The following CFAP300 variants were observed in gnomAD, a reference collection of about 807,000 sequenced individuals.
CFAP300 encodes cilia and flagella associated protein 300.
CFAP300 carries 32 observed loss-of-function variants against 33.0 expected under a neutral mutation model. The observed-to-expected ratio is 0.97, with a 90% CI of 0.73 to 1.30. The LOEUF is 1.30. CFAP300 is among the 50% of genes most tolerant of loss of function. CFAP300 has a pLI of 0.00. For synonymous variants in CFAP300, 102 were observed against 106.8 expected (o/e 0.95, Z 0.28); for missense variants, 356 against 318.1 (o/e 1.12, Z -0.90).
rs190180688 is a variant in CFAP300, at chr11:102,057,264, G to A, written c.193-1616G>A. On this transcript the variant is annotated intron_variant, in intron 2 of 6. Coordinates refer to ENST00000434758, the MANE Select transcript of CFAP300 (RefSeq NM_032930.3). ...TGAGACAGGAAAATCGCTTGAACCC[G>A]GGAGGCAGAGGTTGCAGTAAGCCGA... is the stretch of plus-strand genomic sequence containing the variant. 3.6e-3 allele frequency among the ~76,000 whole-genome samples: 542 copies of A among 151,292 alleles called. 3 individuals are homozygous for A. Among genetic ancestry groups the A allele is most frequent in the South Asian group, 0.013 (60 of 4,750 alleles).
At chr11:102,067,325 T>A (rs1942244251) in intron 4 of CFAP300, among the ~76,000 whole-genome samples, 1 of 152,114 alleles carries the variant, frequency 6.6e-6, no homozygotes, top group Admixed American at 6.6e-5. Flanking sequence ...GCCACTGCAC[T>A]CCAACCTGGG....
intron 4 of CFAP300, among the ~76,000 whole-genome samples, chr11:102,068,971 A>G (rs1308489167): frequency 6.6e-6 from 1 of 152,194 alleles, no homozygotes; most frequent in African/African-American, 2.4e-5. Context: ...ATAAGGGTCT[A>G]AAGACCCTTA....
intron 4 of CFAP300, among the ~76,000 whole-genome samples, chr11:102,070,246 G>A (rs183102992): frequency 6.6e-6 from 1 of 152,232 alleles, no homozygotes; most frequent in Admixed American, 6.5e-5. Context: ...TATTTTCCTA[G>A]ACATACCTAA....
intron 2 of CFAP300, 55 bp downstream of exon 2, chr11:102,047,951 C>T: frequency 6.4e-7 from 1 of 1,555,962 alleles, no homozygotes; most frequent in Middle Eastern, 1.7e-4. Context: ...TAAACTTCCC[C>T]CCAAGTTGGC....
At position 102,047,657 on chromosome 11, in the gene CFAP300, G is replaced by C. The variant is rs919124754; in HGVS notation, c.110+77G>C. On this transcript the variant is annotated intron_variant, in intron 1 of 6. Coordinates refer to ENST00000434758, the MANE Select transcript of CFAP300 (RefSeq NM_032930.3). ...GGAGGCGCAGGCCGGGCGTCGAGGG[G>C]CCCGCGCGGGTCGGCGCCATTCTGA... The C allele has an allele frequency of 2.0e-6, 3 of 1,477,160 alleles. No individual in the cohort carries two copies. The African/African-American group carries it at 4.2e-5, about 21-fold the overall frequency. 91.5% of individuals were successfully genotyped at this position (1,477,160 alleles called of 1,614,324 possible). A position where few individuals can be genotyped will look rare whatever the true frequency, so the allele number is the denominator to read the frequency against.
At chr11:102,079,462 G>A (rs912935013) in intron 5 of CFAP300, among the ~76,000 whole-genome samples, 1 of 152,138 alleles carries the variant, frequency 6.6e-6, no homozygotes, top group Non-Finnish European at 1.5e-5. Flanking sequence ...TTAATCCTGG[G>A]TTTAAGTCTA....
chr11:102,081,391 AAT>A, intron 6 of CFAP300, 110 bp downstream of exon 6: 1 of 849,912 alleles, frequency 1.2e-6, no homozygotes, highest in East Asian at 2.6e-5. Flanking sequence ...GAGAAAAGAC[AAT>A]GTTATTTAGA....
chr11:102,077,046 T>C (rs1055971111), intron 5 of CFAP300, among the ~76,000 whole-genome samples: 3 of 152,066 alleles, frequency 2.0e-5, no homozygotes, highest in Admixed American at 6.6e-5. Context: ...AGACTGCTTC[T>C]AGCACTCCCT....
chr11:102,052,811 T>A (rs10791553), intron 2 of CFAP300, among the ~76,000 whole-genome samples: 65,128 of 151,888 alleles, frequency 0.43, 14,217 homozygotes, highest in East Asian at 0.71. Context: ...TCTTCCATGA[T>A]TACAACAGTA....
intron 6 of CFAP300, among the ~76,000 whole-genome samples, chr11:102,082,589 A>G (rs1591069207): frequency 6.6e-6 from 1 of 152,336 alleles, no homozygotes; most frequent in African/African-American, 2.4e-5. Context: ...AATATTTTAA[A>G]TCATTAATTA....
intron 4 of CFAP300, among the ~76,000 whole-genome samples, chr11:102,072,290 T>A (rs972434576): frequency 1.3e-5 from 2 of 152,152 alleles, no homozygotes; most frequent in South Asian, 4.1e-4. Context: ...GAATCTTTTA[T>A]TTCATTCATT....
chr11:102,054,624 G>A (rs963555463), intron 2 of CFAP300, among the ~76,000 whole-genome samples: 1 of 150,782 alleles, frequency 6.6e-6, no homozygotes, highest in Non-Finnish European at 1.5e-5. Flanking sequence ...AGCTACTTGG[G>A]AGACTGAGGC....
intron 3 of CFAP300, among the ~76,000 whole-genome samples, chr11:102,064,373 A>T (rs1427464746): frequency 6.6e-6 from 1 of 151,808 alleles, no homozygotes; most frequent in African/African-American, 2.4e-5. Context: ...ATCACCTAGA[A>T]CTCCTCTTAT....
At position 102,084,430 on chromosome 11, in the gene CFAP300, G is replaced by A. The variant is rs1256708024; in HGVS notation, c.*1231G>A. 6.6e-6 allele frequency: 1 copy of A among 152,158 alleles called. No homozygotes were observed. Among genetic ancestry groups the A allele is most frequent in the Non-Finnish European group, 1.5e-5 (1 of 68,042 alleles). 9.4% of individuals were successfully genotyped at this position (152,158 alleles called of 1,614,324 possible). A position where few individuals can be genotyped will look rare whatever the true frequency, so the allele number is the denominator to read the frequency against. On this transcript the variant is annotated 3_prime_UTR_variant, in exon 7 of 7. Transcript: ENST00000434758. ...GTATAGAGCTCAGGAGAAAGAGTAT[G>A]TTTTACTTCTAATACCTAACACAAT... is the stretch of plus-strand genomic sequence containing the variant.
In CFAP300 at chr11:102,083,194, T is replaced by A; in HGVS notation, c.799T>A (p.Ser267Thr). ...CCACTGTTATGGTGTGGGAGACATG[T>A]CTTAATGTTCTTTCAGATTATGTAC... ...LYHCYGVGDM[S>T] Residue 267 changes from serine to threonine, a missense_variant, in exon 7 of 7, where the codon TCT becomes ACT. Physicochemically the swap from Ser to Thr is moderately conservative, Grantham distance 58 (BLOSUM62 1). Transcript: ENST00000434758. 3.4e-6 allele frequency: 5 copies of A among 1,487,628 alleles called. No homozygotes were observed. The highest frequency in any genetic ancestry group is 4.5e-6 in the Non-Finnish European group (5 of 1,111,586). 92.2% of individuals were successfully genotyped at this position (1,487,628 alleles called of 1,614,324 possible).
intron 3 of CFAP300, among the ~76,000 whole-genome samples, chr11:102,060,637 G>A (rs1489539999): frequency 6.6e-6 from 1 of 152,074 alleles, no homozygotes; most frequent in Non-Finnish European, 1.5e-5. Flanking sequence ...CTTAGCAACA[G>A]AATGAATAAA....
At chr11:102,055,361 C>CTTTTTT (rs561779599) in intron 2 of CFAP300, among the ~76,000 whole-genome samples, 6 of 113,544 alleles carry the variant, frequency 5.3e-5, no homozygotes, top group South Asian at 2.7e-4. Flanking sequence ...ATGCGTTACT[C>CTTTTTT]TTTTTTTTTT....
chr11:102,072,383 T>C (rs1318982898), intron 4 of CFAP300, among the ~76,000 whole-genome samples: 1 of 152,166 alleles, frequency 6.6e-6, no homozygotes, highest in Non-Finnish European at 1.5e-5. Flanking sequence ...ATATCCTGAA[T>C]TGTTTTTCTG....
intron 3 of CFAP300, among the ~76,000 whole-genome samples, chr11:102,059,852 C>T (rs957172209): frequency 6.6e-6 from 1 of 151,502 alleles, no homozygotes; most frequent in African/African-American, 2.4e-5. Flanking sequence ...ACTCTGTCAC[C>T]CAGGCTGGAG....
Sources: gnomAD v4.1 joint callset for allele counts (sites outside exome capture counted in the v4.1 genomes callset) on GRCh38, gnomAD v4.1.1 for gene constraint, MANE v1.5 for transcripts, NCBI Gene and HGNC (gene_info 2026-07-23, HGNC 2026-07-21) for gene names.